RPS6KA5: variants seen among roughly 807,000 people sequenced by gnomAD.
The protein encoded by RPS6KA5 is ribosomal protein S6 kinase alpha-5.
In RPS6KA5, 27 loss-of-function variants were observed where a neutral mutation model predicts 85.5. The observed-to-expected ratio is 0.32, with a 90% confidence interval of 0.23 to 0.44. RPS6KA5 has a LOEUF of 0.44. RPS6KA5 is among the 20% of genes least tolerant of loss of function. The probability of loss-of-function intolerance (pLI) is 1.00; values close to 1 mark genes in which losing one functional copy is unlikely to be tolerated. For missense variants in RPS6KA5, 811 were observed against 980.9 expected (o/e 0.83, Z 2.31); for synonymous variants, 334 against 348.2 (o/e 0.96, Z 0.46).
At chr14:90,996,221 GA>G (rs2040516151) in intron 2 of RPS6KA5, among the ~76,000 whole-genome samples, 2 of 146,874 alleles carry the variant, frequency 1.4e-5, no homozygotes, top group South Asian at 4.3e-4. Context: ...TTTTTCAGTA[GA>G]GATGAAGTCT....
chr14:91,046,745 A>G (rs1396857700), intron 1 of RPS6KA5, among the ~76,000 whole-genome samples: 1 of 152,216 alleles, frequency 6.6e-6, no homozygotes, highest in African/African-American at 2.4e-5. Context: ...TCTTTTAAGT[A>G]TGCCCCCATT....
chr14:90,947,453 G>A lies in RPS6KA5; in HGVS notation c.492C>T (p.Ala164=). The A allele has an allele frequency of 6.2e-7, 1 of 1,603,926 alleles. No homozygotes were observed. Among genetic ancestry groups the A allele is most frequent in the Non-Finnish European group, 8.5e-7 (1 of 1,171,008 alleles). The part of the protein sequence containing the change: ...VQIYVGEIVL[A]LEHLHKLGII... ...GTCTTACCTTGTGGAGATGTTCGAG[G>A]GCAAGCACAATCTCTCCAACATAAA... The change falls in exon 4 of 17, where the codon GCC becomes GCT. Residue 164 remains alanine, a synonymous_variant. Coordinates refer to ENST00000614987, the MANE Select transcript of RPS6KA5 (RefSeq NM_004755.4).
rs747984009 is a variant in RPS6KA5, at chr14:90,978,303, T to C, written c.394+3A>G. The C allele has an allele frequency of 1.6e-5, 25 of 1,593,800 alleles. No individual in the cohort carries two copies. Among genetic ancestry groups the C allele is most frequent in the Middle Eastern group, 1.7e-4 (1 of 5,984 alleles). ...AAAAAGTCTGATAACAACTGACACT[T>C]ACCTAAAATGAGATGAAGTTTGGTT... On this transcript the variant is annotated splice_donor_region_variant and intron_variant, in intron 3 of 16. Coordinates refer to ENST00000614987, the MANE Select transcript of RPS6KA5 (RefSeq NM_004755.4).
chr14:91,053,254 T>C (rs745938927), intron 1 of RPS6KA5, among the ~76,000 whole-genome samples: 6 of 152,146 alleles, frequency 3.9e-5, no homozygotes, highest in Non-Finnish European at 7.3e-5. Flanking sequence ...GCTAACCCCA[T>C]ACTCAGTGGT....
intron 1 of RPS6KA5, among the ~76,000 whole-genome samples, chr14:91,037,077 G>A (rs2139869325): frequency 6.6e-6 from 1 of 152,274 alleles, no homozygotes; most frequent in Admixed American, 6.5e-5. Context: ...GAGTCTTCAA[G>A]GAGAAACTAC....
Position 90,853,994 on chromosome 14 carries a change from C to A in RPS6KA5, c.*18080G>T, listed in dbSNP as rs1312325837. Reference sequence around the variant, plus strand: ...GTCGATTTAAGGAGTGAGGGGCAGTCTTATTAATTTGGTATTGTAAGCCCC... The same window carrying A: ...GTCGATTTAAGGAGTGAGGGGCAGTATTATTAATTTGGTATTGTAAGCCCC... On this transcript the variant is annotated 3_prime_UTR_variant, in exon 17 of 17. Coordinates refer to ENST00000614987, the MANE Select transcript of RPS6KA5 (RefSeq NM_004755.4). 1.3e-5 allele frequency: 2 copies of A among 152,116 alleles called. No homozygotes were observed. Among genetic ancestry groups the A allele is most frequent in the Non-Finnish European group, 2.9e-5 (2 of 68,022 alleles). The allele number at this position is 152,116 out of a possible 1,614,324, so 9.4% of individuals were successfully genotyped here. A position where few individuals can be genotyped will look rare whatever the true frequency, so the allele number is the denominator to read the frequency against.
At chr14:90,891,998 C>CTTTTT (rs11351056) in intron 13 of RPS6KA5, among the ~76,000 whole-genome samples, 1 of 139,226 alleles carries the variant, frequency 7.2e-6, no homozygotes, top group Admixed American at 7.1e-5. Flanking sequence ...GATTTTAGTT[C>CTTTTT]TTTTTTTTTT....
intron 1 of RPS6KA5, among the ~76,000 whole-genome samples, chr14:91,016,677 G>C (rs939440670): frequency 4.6e-5 from 7 of 151,992 alleles, no homozygotes; most frequent in Non-Finnish European, 4.4e-5. Flanking sequence ...ACCATCAAAT[G>C]AAAGTGGTAT....
intron 1 of RPS6KA5, among the ~76,000 whole-genome samples, chr14:91,010,814 G>A (rs2140640655): frequency 6.6e-6 from 1 of 152,264 alleles, no homozygotes; most frequent in East Asian, 1.9e-4. Flanking sequence ...GAGATGGGAG[G>A]GTGGTTCCTA....
At position 90,850,671 on chromosome 14, in the gene RPS6KA5, C is replaced by T. The variant is rs1377498756; in HGVS notation, c.*21403G>A. 3 of 152,198 alleles carry T rather than the reference C, an allele frequency of 2.0e-5. No individual in the cohort carries two copies. The allele number at this position is 152,198 out of a possible 1,614,324, so 9.4% of individuals were successfully genotyped here. A position where few individuals can be genotyped will look rare whatever the true frequency, so the allele number is the denominator to read the frequency against. On this transcript the variant is annotated 3_prime_UTR_variant, in exon 17 of 17. Coordinates refer to ENST00000614987, the MANE Select transcript of RPS6KA5 (RefSeq NM_004755.4). Reference sequence around the variant, plus strand: ...AAAAAGTTTTCAGGAAAAGGCTGCACAAGCACCTGTTGGTGAGGTCACCAG... The same window carrying T: ...AAAAAGTTTTCAGGAAAAGGCTGCATAAGCACCTGTTGGTGAGGTCACCAG...
chr14:90,965,055 G>A (rs563747135), intron 3 of RPS6KA5, among the ~76,000 whole-genome samples: 1 of 152,074 alleles, frequency 6.6e-6, no homozygotes, highest in East Asian at 1.9e-4. Context: ...AAAAAAGGCT[G>A]AAGCCATTTA....
In RPS6KA5 at chr14:90,871,199, G is replaced by C. The variant is rs993460368; in HGVS notation, c.*875C>G. 2 of 152,536 alleles carry C rather than the reference G, an allele frequency of 1.3e-5. No homozygotes were observed. The highest frequency in any genetic ancestry group is 2.9e-5 in the Non-Finnish European group (2 of 67,996). The allele number at this position is 152,536 out of a possible 1,614,324, so 9.4% of individuals were successfully genotyped here. ...CCCCATTCTACTTGTTGCATACAAAGTAGAAGAGGAATGTGAGGACAAATT... is the reference window on the plus strand; with the variant it reads ...CCCCATTCTACTTGTTGCATACAAACTAGAAGAGGAATGTGAGGACAAATT... On this transcript the variant is annotated 3_prime_UTR_variant, in exon 17 of 17. Transcript: ENST00000614987.
intron 2 of RPS6KA5, among the ~76,000 whole-genome samples, chr14:90,982,166 C>A (rs954494754): frequency 6.6e-6 from 1 of 152,178 alleles, no homozygotes; most frequent in Non-Finnish European, 1.5e-5. Flanking sequence ...TGACTGCCTG[C>A]AAGTGCAGCC....
intron 2 of RPS6KA5, among the ~76,000 whole-genome samples, chr14:90,980,911 C>A (rs1366399708): frequency 6.6e-6 from 1 of 152,180 alleles, no homozygotes; most frequent in Non-Finnish European, 1.5e-5. Context: ...GTGGCTCAGG[C>A]CTGTAATCCC....
intron 7 of RPS6KA5, among the ~76,000 whole-genome samples, chr14:90,914,309 GTTTTT>G (rs10658805): frequency 8.6e-5 from 7 of 81,518 alleles, no homozygotes; most frequent in Non-Finnish European, 1.3e-4. Flanking sequence ...GATCCCTAGG[GTTTTT>G]TTTTTTTTTT....
intron 2 of RPS6KA5, among the ~76,000 whole-genome samples, chr14:90,995,607 C>T (rs1017598724): frequency 6.6e-6 from 1 of 152,188 alleles, no homozygotes; most frequent in South Asian, 2.1e-4. Flanking sequence ...TCCAGCATAA[C>T]TTCTGCCCTC....
chr14:90,970,537 T>C (rs1330175868), intron 3 of RPS6KA5, among the ~76,000 whole-genome samples: 1 of 152,238 alleles, frequency 6.6e-6, no homozygotes, highest in African/African-American at 2.4e-5. Context: ...TTTGCTTATT[T>C]AACATCTTGT....
At chr14:91,026,522 G>A (rs2041997128) in intron 1 of RPS6KA5, among the ~76,000 whole-genome samples, 1 of 152,116 alleles carries the variant, frequency 6.6e-6, no homozygotes, top group African/African-American at 2.4e-5. Context: ...GAGCCACCAT[G>A]CCCAACATAC....
intron 3 of RPS6KA5, among the ~76,000 whole-genome samples, chr14:90,976,203 A>AC (rs576863595): frequency 2.6e-4 from 3 of 11,624 alleles, no homozygotes; most frequent in Non-Finnish European, 5.3e-4. Context: ...AAGAGAACAG[A>AC]AAAAAAAAAA....
Sources: gnomAD v4.1 joint callset for allele counts (sites outside exome capture counted in the v4.1 genomes callset) on GRCh38, gnomAD v4.1.1 for gene constraint, MANE v1.5 for transcripts, NCBI Gene and HGNC (gene_info 2026-07-23, HGNC 2026-07-21) for gene names.